SCFD2: variants seen among roughly 807,000 people sequenced by gnomAD.
SCFD2 encodes sec1 family domain-containing protein 2.
Under a neutral mutation model 58.9 loss-of-function variants are expected in SCFD2, and 54 were observed. The observed-to-expected ratio is 0.92, with a 90% CI of 0.74 to 1.15. The LOEUF (loss-of-function observed/expected upper bound fraction) is 1.15. Among genes scored for constraint, SCFD2 ranks in the 50% most tolerant of loss-of-function variants. The probability of loss-of-function intolerance (pLI) is 0.00; values close to 1 mark genes in which losing one functional copy is unlikely to be tolerated. For missense variants in SCFD2, 805 were observed against 836.6 expected, an observed-to-expected ratio of 0.96 and a Z score of 0.47; for synonymous variants, 321 against 335.9, an observed-to-expected ratio of 0.96 and a Z score of 0.49.
In SCFD2 at chr4:52,920,773, G is replaced by A; in HGVS notation, c.1659C>T (p.Leu553=). The A allele has an allele frequency of 6.2e-7, 1 of 1,611,184 alleles. No homozygotes were observed. The highest frequency in any genetic ancestry group is 2.2e-5 in the East Asian group (1 of 44,668). ...CATATACAGACTTAAACTGTTTCAGGAGACTCCGAGCTCCAGCAATATCCC... is the reference window on the plus strand; with the variant it reads ...CATATACAGACTTAAACTGTTTCAGAAGACTCCGAGCTCCAGCAATATCCC... ...SLRDIAGARS[L]LKQFKSVYVP... is the part of the protein sequence containing the mutation. Residue 553 remains leucine, a synonymous_variant, in exon 6 of 9, where the codon CTC becomes CTT. Coordinates refer to ENST00000401642, the MANE Select transcript of SCFD2 (RefSeq NM_152540.4).
intron 7 of SCFD2, among the ~76,000 whole-genome samples, chr4:52,894,855 G>C (rs1560472841): frequency 6.6e-6 from 1 of 152,172 alleles, no homozygotes; most frequent in African/African-American, 2.4e-5. Flanking sequence ...GGACTTGATG[G>C]AGCAAACTTG....
chr4:53,335,530 G>T (rs1733657261), intron 2 of SCFD2, among the ~76,000 whole-genome samples: 1 of 152,106 alleles, frequency 6.6e-6, no homozygotes, highest in Admixed American at 6.6e-5. Flanking sequence ...TCTAATGAGG[G>T]TAGTAATGTA....
chr4:53,358,760 C>G (rs1734468961), intron 1 of SCFD2, among the ~76,000 whole-genome samples: 2 of 152,100 alleles, frequency 1.3e-5, no homozygotes, highest in South Asian at 4.1e-4. Context: ...AATCAAGTCT[C>G]TTTTTTAATT....
chr4:53,304,677 G>T (rs1732456637), intron 3 of SCFD2, among the ~76,000 whole-genome samples: 1 of 151,832 alleles, frequency 6.6e-6, no homozygotes, highest in Non-Finnish European at 1.5e-5. Context: ...GCTCCATGAG[G>T]TCATTTATGT....
chr4:53,178,447 T>C (rs1301608806), intron 4 of SCFD2, among the ~76,000 whole-genome samples: 1 of 152,132 alleles, frequency 6.6e-6, no homozygotes, highest in South Asian at 2.1e-4. Context: ...TCCTGTCTGC[T>C]AGAAGGAAAA....
intron 5 of SCFD2, among the ~76,000 whole-genome samples, chr4:53,059,611 T>G (rs1340240918): frequency 6.8e-5 from 1 of 14,630 alleles, no homozygotes; most frequent in East Asian, 4.4e-3. Context: ...AAATCTCCTT[T>G]CTCTTTTTTT....
At chr4:53,355,903 T>C (rs1734386079) in intron 1 of SCFD2, among the ~76,000 whole-genome samples, 1 of 152,228 alleles carries the variant, frequency 6.6e-6, no homozygotes, top group Admixed American at 6.5e-5. Flanking sequence ...TGTTCAAATG[T>C]CGCATCCTCT....
intron 2 of SCFD2, among the ~76,000 whole-genome samples, chr4:53,329,194 G>C (rs1317533450): frequency 2.0e-5 from 3 of 152,242 alleles, no homozygotes; most frequent in Non-Finnish European, 4.4e-5. Flanking sequence ...GCCCAGGGCT[G>C]CTTAGGTAAA....
chr4:52,873,508 A>G lies in SCFD2; in HGVS notation c.*461T>C, dbSNP rs1219736770. The G allele has an allele frequency of 6.5e-6, 1 of 154,468 alleles. No homozygotes were observed. The highest frequency in any genetic ancestry group is 1.4e-5 in the Non-Finnish European group (1 of 69,680). The allele number at this position is 154,468 out of a possible 1,614,324, so 9.6% of individuals were successfully genotyped here. The stretch of plus-strand genomic sequence containing the variant: ...AACAAAGCCTCAGACCCTATTTGCA[A>G]TGTTCCCTCCTCAGTTATATAATCC... On this transcript the variant is annotated 3_prime_UTR_variant, in exon 9 of 9. Transcript: ENST00000401642.
intron 5 of SCFD2, among the ~76,000 whole-genome samples, chr4:53,016,039 G>A (rs575615959): frequency 1.3e-5 from 2 of 152,298 alleles, no homozygotes; most frequent in African/African-American, 2.4e-5. Flanking sequence ...TCTTAACAGA[G>A]GGGCTTCTAA....
chr4:53,238,729 C>T (rs1577881504), intron 4 of SCFD2, among the ~76,000 whole-genome samples: 2 of 148,994 alleles, frequency 1.3e-5, no homozygotes, highest in African/African-American at 2.5e-5. Flanking sequence ...GACGGGGCGG[C>T]GGGGCAGAGG....
intron 5 of SCFD2, among the ~76,000 whole-genome samples, chr4:53,049,006 T>G (rs1260295323): frequency 6.6e-6 from 1 of 152,142 alleles, no homozygotes; most frequent in Admixed American, 6.6e-5. Flanking sequence ...TTAGGAATCT[T>G]TTTCAGCTTG....
rs187878426 is a variant in SCFD2, at chr4:53,179,007, A to G, written c.1312-33425T>C. 4.6e-5 allele frequency among the ~76,000 whole-genome samples: 7 copies of G among 152,358 alleles called. No individual in the cohort carries two copies. In the East Asian group the frequency reaches 1.3e-3, roughly 29 times the overall value. On this transcript the variant is annotated intron_variant, in intron 4 of 8. Transcript: ENST00000401642. Reference sequence around the variant, plus strand: ...AAGAAACATGGGACTCTGTGAAAAGAGCAAATCTACATCTGATTGGTGTAC... The same window carrying G: ...AAGAAACATGGGACTCTGTGAAAAGGGCAAATCTACATCTGATTGGTGTAC...
At chr4:53,075,361 A>T (rs1723942360) in intron 5 of SCFD2, among the ~76,000 whole-genome samples, 1 of 152,212 alleles carries the variant, frequency 6.6e-6, no homozygotes, top group African/African-American at 2.4e-5. Context: ...CATATTAGCA[A>T]TATGGCTGTT....
intron 5 of SCFD2, among the ~76,000 whole-genome samples, chr4:53,011,896 G>A (rs1425261412): frequency 1.3e-5 from 2 of 152,074 alleles, no homozygotes; most frequent in Non-Finnish European, 2.9e-5. Context: ...CTATGAATTG[G>A]AGGCTGAAAC....
At chr4:53,185,442 C>A (rs1727707912) in intron 4 of SCFD2, among the ~76,000 whole-genome samples, 1 of 151,928 alleles carries the variant, frequency 6.6e-6, no homozygotes, top group African/African-American at 2.4e-5. Context: ...AAGTGGCACT[C>A]CATTATGCTA....
intron 5 of SCFD2, among the ~76,000 whole-genome samples, chr4:52,922,627 G>T (rs528816924): frequency 6.6e-6 from 1 of 152,118 alleles, no homozygotes; most frequent in Admixed American, 6.5e-5. Flanking sequence ...GGACATTTGG[G>T]TTGTTTTTGC....
intron 5 of SCFD2, among the ~76,000 whole-genome samples, chr4:53,037,738 C>T (rs1722801256): frequency 6.6e-6 from 1 of 152,108 alleles, no homozygotes; most frequent in Non-Finnish European, 1.5e-5. Context: ...AACCTTAACT[C>T]TTTTTGGACA....
intron 5 of SCFD2, among the ~76,000 whole-genome samples, chr4:53,133,088 G>C (rs1321232155): frequency 6.6e-6 from 1 of 152,090 alleles, no homozygotes; most frequent in Admixed American, 6.5e-5. Context: ...CAGCACTTTG[G>C]GAGGCCGAGG....
Sources: allele counts gnomAD v4.1 joint callset (sites outside exome capture counted in the v4.1 genomes callset), GRCh38; gene constraint gnomAD v4.1.1; transcripts MANE v1.5; gene names NCBI Gene and HGNC (gene_info 2026-07-23, HGNC 2026-07-21).